Variants in TCF24 observed in about 807,000 individuals in gnomAD.
TCF24 encodes the protein transcription factor 24.
In TCF24, 5 loss-of-function variants were observed where a neutral mutation model predicts 9.3. That is an observed-to-expected ratio of 0.54 (90% CI 0.28 to 1.13). The LOEUF is 1.13. Ranked by LOEUF, TCF24 falls within the 50% of genes most tolerant of loss-of-function variation. TCF24 has a pLI of 0.09. For missense variants in TCF24, 220 were observed against 236.1 expected, an observed-to-expected ratio of 0.93 and a Z score of 0.45; for synonymous variants, 110 against 115.8, an observed-to-expected ratio of 0.95 and a Z score of 0.32.
chr8:66,947,473 G>A lies in TCF24; in HGVS notation c.*578C>T, dbSNP rs1813981775. The A allele has an allele frequency of 6.6e-6, 1 of 152,226 alleles. No individual in the cohort carries two copies. Among genetic ancestry groups the A allele is most frequent in the African/African-American group, 2.4e-5 (1 of 41,442 alleles). The allele number at this position is 152,226 out of a possible 1,614,324, so 9.4% of individuals were successfully genotyped here. ...CTGTAAGATACAGAATAACCCTCTA[G>A]GAAGGTGACCAAGCCCTGTCCTCTG... is the stretch of plus-strand genomic sequence containing the variant. On this transcript the variant is annotated 3_prime_UTR_variant, in exon 4 of 4. Transcript: ENST00000563496.
chr8:66,958,260 T>A (rs973900283), intron 3 of TCF24, among the ~76,000 whole-genome samples: 13 of 152,252 alleles, frequency 8.5e-5, no homozygotes, highest in Non-Finnish European at 1.5e-4. Context: ...ACAGTTTGTT[T>A]CAGGATTGTG....
chr8:66,946,652 T>C lies in TCF24; in HGVS notation c.*1399A>G, dbSNP rs1048981319. The C allele has an allele frequency of 3.3e-5, 5 of 152,136 alleles. No individual in the cohort carries two copies. Among genetic ancestry groups the C allele is most frequent in the Non-Finnish European group, 1.5e-5 (1 of 68,024 alleles). 9.4% of individuals were successfully genotyped at this position (152,136 alleles called of 1,614,324 possible). Reference sequence around the variant, plus strand: ...CAAAACCTATCATCATATCTAGCAATTTAATAAAATGTTATGAAAATCTGT... The same window carrying C: ...CAAAACCTATCATCATATCTAGCAACTTAATAAAATGTTATGAAAATCTGT... On this transcript the variant is annotated 3_prime_UTR_variant, in exon 4 of 4. Coordinates refer to ENST00000563496, the MANE Select transcript of TCF24 (RefSeq NM_001193502.2).
In TCF24 at chr8:66,948,184, C is replaced by A. The variant is rs566262600; in HGVS notation, c.391-20G>T. Reference sequence around the variant, plus strand: ...CCATTTCTGAAAAAGATTATTTCAACAAGAATTCAAAAGTTAGTATCTATG... The same window carrying A: ...CCATTTCTGAAAAAGATTATTTCAAAAAGAATTCAAAAGTTAGTATCTATG... On this transcript the variant is annotated intron_variant, in intron 3 of 3. Coordinates refer to ENST00000563496, the MANE Select transcript of TCF24 (RefSeq NM_001193502.2). The A allele has an allele frequency of 8.6e-6, 13 of 1,513,754 alleles. No individual in the cohort carries two copies. The East Asian group carries it at 3.0e-4, about 34-fold the overall frequency. 93.8% of individuals were successfully genotyped at this position (1,513,754 alleles called of 1,614,324 possible). A position where few individuals can be genotyped will look rare whatever the true frequency, so the allele number is the denominator to read the frequency against.
chr8:66,956,654 G>A (rs1814158360), intron 3 of TCF24, among the ~76,000 whole-genome samples: 1 of 152,128 alleles, frequency 6.6e-6, no homozygotes, highest in Non-Finnish European at 1.5e-5. Context: ...AAGCCACCAC[G>A]CCCAGCCAAA....
chr8:66,954,719 C>G (rs1197028417), intron 3 of TCF24, among the ~76,000 whole-genome samples: 4 of 152,274 alleles, frequency 2.6e-5, no homozygotes, highest in Admixed American at 1.3e-4. Flanking sequence ...AGTTTGATCT[C>G]AGACTGCTGT....
intron 3 of TCF24, among the ~76,000 whole-genome samples, chr8:66,948,841 G>A (rs999451086): frequency 1.3e-5 from 2 of 152,206 alleles, no homozygotes; most frequent in South Asian, 4.1e-4. Flanking sequence ...GATTATAGGA[G>A]CATACCACCA....
intron 3 of TCF24, among the ~76,000 whole-genome samples, chr8:66,952,654 G>A (rs368204984): frequency 6.8e-6 from 1 of 148,066 alleles, no homozygotes; most frequent in Non-Finnish European, 1.5e-5. Context: ...TATCCTTGTT[G>A]ACTTTCTGTC....
At chr8:66,949,977 G>T (rs1366611162) in intron 3 of TCF24, among the ~76,000 whole-genome samples, 5 of 143,820 alleles carry the variant, frequency 3.5e-5, no homozygotes, top group Non-Finnish European at 7.5e-5. Context: ...TGTAAATTTG[G>T]TTGAGTTCAT....
chr8:66,956,074 T>G (rs1328270714), intron 3 of TCF24, among the ~76,000 whole-genome samples: 1 of 152,028 alleles, frequency 6.6e-6, no homozygotes, highest in East Asian at 1.9e-4. Flanking sequence ...GGACTACAGG[T>G]GCGTGCTACC....
chr8:66,954,071 C>A (rs1214852451), intron 3 of TCF24, among the ~76,000 whole-genome samples: 1 of 152,200 alleles, frequency 6.6e-6, no homozygotes, highest in Non-Finnish European at 1.5e-5. Flanking sequence ...ATAATTTGAT[C>A]GTCTGAAGCC....
In TCF24 at chr8:66,948,114, C is replaced by T; in HGVS notation, c.441G>A (p.Leu147=). 6.5e-7 allele frequency: 1 copy of T among 1,535,268 alleles called. No homozygotes were observed. The highest frequency in any genetic ancestry group is 8.7e-7 in the Non-Finnish European group (1 of 1,146,656). ...RLYIGATGQF[L]KHSVSGEKTN... is the part of the protein sequence containing the mutation. The stretch of plus-strand genomic sequence containing the variant: ...TTTTTTCTCCAGAAACAGAATGCTT[C>T]AGAAACTGACCAGTAGCACCGATGT... Residue 147 remains leucine (L), a synonymous_variant, in exon 4 of 4, where the codon CTG becomes CTA. Coordinates refer to ENST00000563496, the MANE Select transcript of TCF24 (RefSeq NM_001193502.2).
intron 3 of TCF24, among the ~76,000 whole-genome samples, chr8:66,955,962 C>T (rs1814145225): frequency 6.6e-6 from 1 of 151,974 alleles, no homozygotes; most frequent in African/African-American, 2.4e-5. Context: ...GACAGGGTCT[C>T]ATTCTGCTGC....
intron 3 of TCF24, among the ~76,000 whole-genome samples, chr8:66,949,868 AT>A (rs1416670064): frequency 1.4e-5 from 2 of 140,602 alleles, no homozygotes; most frequent in South Asian, 2.5e-4. Context: ...GATGATGAGC[AT>A]TTTTTCATGT....
At chr8:66,958,415 C>T (rs1475320773) in intron 3 of TCF24, among the ~76,000 whole-genome samples, 1 of 152,112 alleles carries the variant, frequency 6.6e-6, no homozygotes, top group African/African-American at 2.4e-5. Flanking sequence ...TTAAAAATCC[C>T]AGCTCTTGGG....
At chr8:66,956,529 A>T (rs1277065014) in intron 3 of TCF24, among the ~76,000 whole-genome samples, 2 of 151,656 alleles carry the variant, frequency 1.3e-5, no homozygotes, top group East Asian at 3.9e-4. Flanking sequence ...TGCCCGGCTA[A>T]TTTTTGTATT....
At chr8:66,953,298 C>CA (rs1274290095) in intron 3 of TCF24, among the ~76,000 whole-genome samples, 9 of 150,814 alleles carry the variant, frequency 6.0e-5, no homozygotes, top group African/African-American at 2.2e-4. Flanking sequence ...CTGGTGGTGA[C>CA]AAAATCTCTC....
intron 3 of TCF24, among the ~76,000 whole-genome samples, chr8:66,955,400 AC>A (rs1295426487): frequency 6.6e-6 from 1 of 151,854 alleles, no homozygotes; most frequent in Non-Finnish European, 1.5e-5. Flanking sequence ...AAAAAATACA[AC>A]TCCTAAAGGT....
intron 3 of TCF24, among the ~76,000 whole-genome samples, chr8:66,959,293 T>C (rs1362030473): frequency 6.6e-6 from 1 of 152,228 alleles, no homozygotes; most frequent in Non-Finnish European, 1.5e-5. Flanking sequence ...TAACACTATG[T>C]TGTAAGGCAG....
chr8:66,954,287 T>C (rs897676505), intron 3 of TCF24, among the ~76,000 whole-genome samples: 1 of 142,040 alleles, frequency 7.0e-6, no homozygotes, highest in African/African-American at 2.5e-5. Flanking sequence ...GGATGTCCTT[T>C]CTGTTTGTTA....
Sources: allele counts gnomAD v4.1 joint callset (sites outside exome capture counted in the v4.1 genomes callset), GRCh38; gene constraint gnomAD v4.1.1; transcripts MANE v1.5; gene names NCBI Gene and HGNC (gene_info 2026-07-23, HGNC 2026-07-21).